Variants in RIMS1 observed in about 807,000 individuals in gnomAD.
RIMS1 encodes regulating synaptic membrane exocytosis 1, also known as regulating synaptic membrane exocytosis protein 1.
In RIMS1, 83 loss-of-function variants were observed where a neutral mutation model predicts 214.1. That is an observed-to-expected ratio of 0.39 (90% CI 0.32 to 0.47). The LOEUF (loss-of-function observed/expected upper bound fraction) is 0.47, where lower values mean the gene tolerates loss of function less well. Among genes scored for constraint, RIMS1 ranks in the 20% least tolerant of loss-of-function variants. The pLI, the probability that RIMS1 is intolerant of heterozygous loss-of-function variation, is 0.99. For synonymous variants in RIMS1, 793 were observed against 786.8 expected (o/e 1.01, Z -0.13); for missense variants, 2,050 against 2,161.8 (o/e 0.95, Z 1.03).
intron 30 of RIMS1, among the ~76,000 whole-genome samples, chr6:72,391,345 T>C (rs1232883384): frequency 6.6e-6 from 1 of 150,736 alleles, no homozygotes; most frequent in East Asian, 1.9e-4. Context: ...TCTTTTCGAT[T>C]CTTTTTCTTT....
At position 72,275,372 on chromosome 6, in the gene RIMS1, G is replaced by A. The variant is rs541106349; in HGVS notation, c.3482+940G>A. Among the ~76,000 whole-genome samples the A allele has an allele frequency of 1.3e-4, 19 of 151,476 alleles. No homozygotes were observed. The South Asian group carries it at 1.9e-3, about 15-fold the overall frequency. ...TACAGATTTTTTTTAGTGTGTGTGC[G>A]TACGGCAGAGTAATTTAAGCCCTAG... is the stretch of plus-strand genomic sequence containing the variant. On this transcript the variant is annotated intron_variant, in intron 23 of 33. Coordinates refer to ENST00000521978, the MANE Select transcript of RIMS1 (RefSeq NM_014989.7).
At chr6:72,334,370 G>A (rs532807468) in intron 29 of RIMS1, among the ~76,000 whole-genome samples, 4 of 151,874 alleles carry the variant, frequency 2.6e-5, no homozygotes, top group South Asian at 2.1e-4. Flanking sequence ...TTTTATGCAA[G>A]GAGTAATGTT....
rs1341650074 is a variant in RIMS1 at position 72,300,594 on chromosome 6, G to C, written c.3851-6664G>C. ...CCCCAAAGAAGGCTTAATTACACAG[G>C]TTGCTTTTTGTAAAAATTGTATTTG... On this transcript the variant is annotated intron_variant, in intron 26 of 33. Coordinates refer to ENST00000521978, the MANE Select transcript of RIMS1 (RefSeq NM_014989.7). Among the ~76,000 whole-genome samples, 2 of 151,830 alleles carry C rather than the reference G, an allele frequency of 1.3e-5. 1 individual carries two copies. The highest frequency in any genetic ancestry group is 3.9e-4 in the East Asian group (2 of 5,172).
intron 2 of RIMS1, among the ~76,000 whole-genome samples, chr6:71,976,504 C>T (rs1797178813): frequency 6.6e-6 from 1 of 152,060 alleles, no homozygotes; most frequent in Non-Finnish European, 1.5e-5. Context: ...AGATCTTTGT[C>T]ACAGAAATGA....
intron 4 of RIMS1, among the ~76,000 whole-genome samples, chr6:72,166,359 T>C (rs2046266275): frequency 6.6e-6 from 1 of 151,624 alleles, no homozygotes; most frequent in Non-Finnish European, 1.5e-5. Flanking sequence ...CTGTATGACC[T>C]GATTTTATTT....
At chr6:71,894,708 A>G (rs993626124) in intron 1 of RIMS1, among the ~76,000 whole-genome samples, 4 of 152,224 alleles carry the variant, frequency 2.6e-5, no homozygotes, top group Non-Finnish European at 5.9e-5. Flanking sequence ...CTCTGAGTTT[A>G]GATGGCAAAA....
chr6:72,378,171 A>G (rs2098423139), intron 29 of RIMS1, among the ~76,000 whole-genome samples: 1 of 152,204 alleles, frequency 6.6e-6, no homozygotes, highest in Admixed American at 6.5e-5. Flanking sequence ...ATAACTAATT[A>G]CATATGCCAC....
intron 2 of RIMS1, among the ~76,000 whole-genome samples, chr6:72,075,602 A>T (rs879279345): frequency 2.0e-5 from 3 of 152,228 alleles, no homozygotes; most frequent in African/African-American, 7.2e-5. Context: ...CCTGGCATCC[A>T]TGCTTAATGA....
chr6:72,068,144 C>T (rs1829756593), intron 2 of RIMS1, among the ~76,000 whole-genome samples: 1 of 149,502 alleles, frequency 6.7e-6, no homozygotes, highest in Admixed American at 6.6e-5. Context: ...TCCCACAGGG[C>T]AGGGGACCAA....
At chr6:71,917,748 A>G (rs1000601353) in intron 1 of RIMS1, among the ~76,000 whole-genome samples, 8 of 152,192 alleles carry the variant, frequency 5.3e-5, no homozygotes, top group Non-Finnish European at 1.2e-4. Flanking sequence ...AGAGACGGTT[A>G]TAGCTTGAAC....
At chr6:72,021,809 T>C (rs1418721015) in intron 2 of RIMS1, among the ~76,000 whole-genome samples, 1 of 152,104 alleles carries the variant, frequency 6.6e-6, no homozygotes. Flanking sequence ...GCTGCTGGTA[T>C]ACAGATAGGT....
chr6:71,939,146 A>G (rs934819159), intron 1 of RIMS1, among the ~76,000 whole-genome samples: 3 of 152,194 alleles, frequency 2.0e-5, no homozygotes, highest in Non-Finnish European at 2.9e-5. Flanking sequence ...CTTTGCAACT[A>G]TATAACAAAG....
At chr6:72,200,698 C>T (rs2250128) in intron 6 of RIMS1, among the ~76,000 whole-genome samples, 108,160 of 152,044 alleles carry the variant, frequency 0.71, 38,819 homozygotes, top group East Asian at 0.84. Context: ...TCTTAACTAC[C>T]GAAAAGGAGA....
chr6:72,330,133 C>T (rs1242837034), intron 28 of RIMS1, among the ~76,000 whole-genome samples: 2 of 151,662 alleles, frequency 1.3e-5, no homozygotes, highest in African/African-American at 2.4e-5. Flanking sequence ...TTGGAAAATC[C>T]ATTAGAATAA....
intron 1 of RIMS1, among the ~76,000 whole-genome samples, chr6:71,929,553 G>A (rs1431843348): frequency 6.6e-6 from 1 of 151,952 alleles, no homozygotes; most frequent in Non-Finnish European, 1.5e-5. Flanking sequence ...ATTCTGAAAA[G>A]CCTGTCTTGT....
At chr6:72,363,036 A>G (rs80331303) in intron 29 of RIMS1, among the ~76,000 whole-genome samples, 2 of 152,308 alleles carry the variant, frequency 1.3e-5, no homozygotes, top group African/African-American at 4.8e-5. Context: ...TCTCAAATGC[A>G]TTAAATGTTA....
chr6:72,204,584 T>A (rs2052587181), intron 6 of RIMS1, among the ~76,000 whole-genome samples: 1 of 152,232 alleles, frequency 6.6e-6, no homozygotes, highest in Admixed American at 6.5e-5. Flanking sequence ...AATTTCGCCT[T>A]CTCCTCAATC....
At chr6:71,932,534 A>T (rs183343382) in intron 1 of RIMS1, among the ~76,000 whole-genome samples, 2 of 152,242 alleles carry the variant, frequency 1.3e-5, no homozygotes, top group Admixed American at 1.3e-4. Context: ...TGCTAGACTT[A>T]AAATCCGGGT....
intron 28 of RIMS1, among the ~76,000 whole-genome samples, chr6:72,328,421 A>G (rs150855755): frequency 9.0e-4 from 136 of 151,902 alleles, no homozygotes; most frequent in African/African-American, 3.1e-3. Context: ...TGTTCTGCAC[A>G]TGTATCTCAG....
Sources: gnomAD v4.1 joint callset for allele counts (sites outside exome capture counted in the v4.1 genomes callset) on GRCh38, gnomAD v4.1.1 for gene constraint, MANE v1.5 for transcripts, NCBI Gene and HGNC (gene_info 2026-07-23, HGNC 2026-07-21) for gene names.